The following GRID2 variants were observed in gnomAD, a reference collection of about 807,000 sequenced individuals.
GRID2 encodes glutamate ionotropic receptor delta type subunit 2.
In GRID2, 33 loss-of-function variants were observed where a neutral mutation model predicts 114.8. The observed-to-expected ratio is 0.29, with a 90% CI of 0.22 to 0.38. The LOEUF (loss-of-function observed/expected upper bound fraction) is 0.38. Ranked by LOEUF, GRID2 falls within the 10% of genes least tolerant of loss-of-function variation. The probability of loss-of-function intolerance (pLI) is 1.00; values close to 1 mark genes in which losing one functional copy is unlikely to be tolerated. For synonymous variants in GRID2, 505 were observed against 449.9 expected (o/e 1.12, Z -1.55); for missense variants, 1,184 against 1,257.7 (o/e 0.94, Z 0.89).
intron 1 of GRID2, among the ~76,000 whole-genome samples, chr4:92,391,958 C>T (rs1335992854): frequency 6.6e-6 from 1 of 152,160 alleles, no homozygotes; most frequent in Non-Finnish European, 1.5e-5. Flanking sequence ...ATGACCCTCC[C>T]TTAGGACGTG....
chr4:93,259,491 A>G (rs927498464), intron 8 of GRID2, among the ~76,000 whole-genome samples: 11 of 151,988 alleles, frequency 7.2e-5, no homozygotes, highest in African/African-American at 2.6e-4. Flanking sequence ...TTACCAAATG[A>G]TAGGCTTTTT....
At chr4:92,734,846 A>G (rs972061289) in intron 2 of GRID2, among the ~76,000 whole-genome samples, 3 of 146,864 alleles carry the variant, frequency 2.0e-5, no homozygotes, top group Non-Finnish European at 3.0e-5. Flanking sequence ...TGATGCAATC[A>G]TGGCTCAGTG....
At chr4:92,546,273 A>G (rs926778045) in intron 1 of GRID2, among the ~76,000 whole-genome samples, 15 of 152,300 alleles carry the variant, frequency 9.8e-5, no homozygotes, top group Middle Eastern at 3.4e-3. Context: ...CCAACATGCA[A>G]AAGAAAGGAA....
chr4:93,423,791 A>AG (rs1768573873), intron 10 of GRID2, among the ~76,000 whole-genome samples: 1 of 152,114 alleles, frequency 6.6e-6, no homozygotes, highest in African/African-American at 2.4e-5. Flanking sequence ...TTAGGCACAT[A>AG]GACATTTATA....
chr4:92,484,583 A>G lies in GRID2; in HGVS notation c.89-105548A>G, dbSNP rs190758300. 2.0e-5 allele frequency among the ~76,000 whole-genome samples: 3 copies of G among 152,196 alleles called. No homozygotes were observed. In the East Asian group the frequency reaches 5.8e-4, roughly 29 times the overall value. ...ATTCAATATTTTATGCAAAGCCAAC[A>G]TAATTTTATATAATATTTTATATAA... On this transcript the variant is annotated intron_variant, in intron 1 of 15. Coordinates refer to ENST00000282020, the MANE Select transcript of GRID2 (RefSeq NM_001510.4).
At chr4:92,990,335 T>C (rs1214769477) in intron 2 of GRID2, among the ~76,000 whole-genome samples, 2 of 150,642 alleles carry the variant, frequency 1.3e-5, no homozygotes, top group South Asian at 2.1e-4. Flanking sequence ...GTGTATAATT[T>C]TTTTTGAGAT....
At chr4:92,935,365 C>T (rs1248257275) in intron 2 of GRID2, among the ~76,000 whole-genome samples, 2 of 146,734 alleles carry the variant, frequency 1.4e-5, no homozygotes. Context: ...GAATGGCAAT[C>T]ATTAAAATGT....
At chr4:92,962,986 C>G (rs1386446487) in intron 2 of GRID2, among the ~76,000 whole-genome samples, 1 of 151,804 alleles carries the variant, frequency 6.6e-6, no homozygotes, top group African/African-American at 2.4e-5. Flanking sequence ...TTTTTGTTTC[C>G]CAGTACATAT....
intron 8 of GRID2, among the ~76,000 whole-genome samples, chr4:93,374,975 C>G (rs983165892): frequency 6.6e-6 from 1 of 152,152 alleles, no homozygotes; most frequent in Non-Finnish European, 1.5e-5. Context: ...ATTCTTAACT[C>G]TGCCTTGCCC....
Position 93,266,067 on chromosome 4 carries a change from C to A in GRID2, c.1245+27577C>A, listed in dbSNP as rs993059221. ...CCATCACAGGGCACACACACTCCTA[C>A]ACACTCACTCAGACGGGGATCATTC... On this transcript the variant is annotated intron_variant, in intron 8 of 15. Transcript: ENST00000282020. Among the ~76,000 whole-genome samples the A allele has an allele frequency of 5.9e-5, 9 of 152,132 alleles. No homozygotes were observed. The East Asian group carries it at 1.4e-3, about 23-fold the overall frequency.
chr4:92,789,594 G>C (rs1219169511), intron 2 of GRID2, among the ~76,000 whole-genome samples: 2 of 151,578 alleles, frequency 1.3e-5, no homozygotes, highest in Non-Finnish European at 2.9e-5. Context: ...ACATTTCTGT[G>C]TTTGTTATTT....
chr4:93,443,103 A>G (rs979376956), intron 10 of GRID2, among the ~76,000 whole-genome samples: 39 of 152,010 alleles, frequency 2.6e-4, no homozygotes, highest in Non-Finnish European at 4.1e-4. Context: ...GACTATTTCA[A>G]TGGCCCTTTA....
chr4:92,984,291 C>G (rs957466571), intron 2 of GRID2, among the ~76,000 whole-genome samples: 3 of 152,196 alleles, frequency 2.0e-5, no homozygotes, highest in Admixed American at 2.0e-4. Flanking sequence ...TGAACAGAAA[C>G]AGAAAGTGCA....
chr4:93,675,321 G>C (rs1193341188), intron 14 of GRID2, among the ~76,000 whole-genome samples: 1 of 152,046 alleles, frequency 6.6e-6, no homozygotes, highest in East Asian at 1.9e-4. Flanking sequence ...TTAATAGATA[G>C]ACTATCACAT....
chr4:92,874,823 C>T (rs1745508553), intron 2 of GRID2, among the ~76,000 whole-genome samples: 1 of 152,186 alleles, frequency 6.6e-6, no homozygotes, highest in African/African-American at 2.4e-5. Context: ...AATTGCATCA[C>T]TCTTCAAAGA....
chr4:93,255,908 C>G (rs1749526429), intron 8 of GRID2, among the ~76,000 whole-genome samples: 1 of 152,042 alleles, frequency 6.6e-6, no homozygotes, highest in South Asian at 2.1e-4. Context: ...TACAGACAAT[C>G]TCTATATAAT....
At chr4:93,205,407 G>A (rs1442686972) in intron 4 of GRID2, among the ~76,000 whole-genome samples, 2 of 152,032 alleles carry the variant, frequency 1.3e-5, no homozygotes, top group Admixed American at 1.3e-4. Context: ...AACATGTGGT[G>A]TTTGGTTTTT....
chr4:93,371,741 C>CTTTTTTTTTTTTTTT (rs1205096650), intron 8 of GRID2, among the ~76,000 whole-genome samples: 2 of 89,800 alleles, frequency 2.2e-5, no homozygotes, highest in African/African-American at 4.7e-5. Flanking sequence ...ATCACTATTT[C>CTTTTTTTTTTTTTTT]TTTTTTTTTT....
intron 14 of GRID2, among the ~76,000 whole-genome samples, chr4:93,680,074 A>T (rs1301368780): frequency 4.0e-5 from 6 of 151,354 alleles, no homozygotes; most frequent in African/African-American, 7.3e-5. Context: ...AAATAGATGC[A>T]ATAAAAAATG....
Sources: gnomAD v4.1 joint callset for allele counts (sites outside exome capture counted in the v4.1 genomes callset) on GRCh38, gnomAD v4.1.1 for gene constraint, MANE v1.5 for transcripts, NCBI Gene and HGNC (gene_info 2026-07-23, HGNC 2026-07-21) for gene names.